Variants in PDE1A observed in about 807,000 individuals in gnomAD.
The protein encoded by PDE1A is phosphodiesterase 1A.
Under a neutral mutation model 61.7 loss-of-function variants are expected in PDE1A, and 35 were observed. The observed-to-expected ratio is 0.57, with a 90% confidence interval of 0.43 to 0.75. The LOEUF is 0.75. Ranked by LOEUF, PDE1A falls within the 30% of genes least tolerant of loss-of-function variation. The pLI, the probability that PDE1A is intolerant of heterozygous loss-of-function variation, is 0.00. For synonymous variants in PDE1A, 232 were observed against 213.2 expected, an observed-to-expected ratio of 1.09 and a Z score of -0.77; for missense variants, 597 against 630.6, an observed-to-expected ratio of 0.95 and a Z score of 0.57.
the PDE1A span, among the ~76,000 whole-genome samples, chr2:182,626,862 TATATATATACATATATATATACAC>T: frequency 7.3e-5 from 3 of 41,202 alleles, 1 homozygote; most frequent in African/African-American, 2.4e-4. Context: ...TATATATACA[TATATATATACATATATATATACAC>T]ATATATATAT....
At chr2:182,644,430 G>C in the PDE1A span, among the ~76,000 whole-genome samples, 1 of 151,806 alleles carries the variant, frequency 6.6e-6, no homozygotes. Flanking sequence ...CATTCATCAG[G>C]TTTGAAATAA....
At chr2:182,561,537 G>A in the PDE1A span, among the ~76,000 whole-genome samples, 42 of 152,182 alleles carry the variant, frequency 2.8e-4, no homozygotes, top group South Asian at 1.9e-3. Flanking sequence ...TTGGCAATGC[G>A]GGCTCTTTTT....
intron 2 of PDE1A, among the ~76,000 whole-genome samples, chr2:182,434,643 C>T (rs1336095313): frequency 2.0e-5 from 3 of 151,916 alleles, no homozygotes; most frequent in Non-Finnish European, 4.4e-5. Flanking sequence ...ACACCGAAAT[C>T]ACTTGAATTT....
the PDE1A span, among the ~76,000 whole-genome samples, chr2:182,707,185 G>T: frequency 2.6e-5 from 4 of 152,148 alleles, no homozygotes; most frequent in Non-Finnish European, 5.9e-5. Flanking sequence ...AACTTTAAAT[G>T]TTTATACCAG....
intron 2 of PDE1A, among the ~76,000 whole-genome samples, chr2:182,443,603 C>G (rs561480364): frequency 6.6e-6 from 1 of 152,112 alleles, no homozygotes; most frequent in African/African-American, 2.4e-5. Context: ...CTTTGCCTTT[C>G]ACCCTGATTG....
intron 7 of PDE1A, among the ~76,000 whole-genome samples, chr2:182,221,977 TA>T (rs1688764683): frequency 6.6e-6 from 1 of 152,012 alleles, no homozygotes; most frequent in African/African-American, 2.4e-5. Context: ...AATATTTTAA[TA>T]AACTGTTTCT....
At chr2:182,219,224 A>G (rs1469005557) in intron 7 of PDE1A, among the ~76,000 whole-genome samples, 1 of 152,114 alleles carries the variant, frequency 6.6e-6, no homozygotes, top group Non-Finnish European at 1.5e-5. Flanking sequence ...GGAAGATTTT[A>G]TTTTTAAAAT....
intron 2 of PDE1A, among the ~76,000 whole-genome samples, chr2:182,503,983 C>T (rs973634593): frequency 1.3e-5 from 2 of 152,178 alleles, no homozygotes; most frequent in Non-Finnish European, 2.9e-5. Context: ...ATTAACCCTA[C>T]TTTCCAAAGT....
At chr2:182,350,967 T>A (rs1193825044) in intron 1 of PDE1A, among the ~76,000 whole-genome samples, 1 of 152,256 alleles carries the variant, frequency 6.6e-6, no homozygotes, top group Non-Finnish European at 1.5e-5. Context: ...GTAACTTTTA[T>A]AGCTTCTCTT....
At chr2:182,425,497 T>C (rs62190203) in intron 1 of PDE1A, among the ~76,000 whole-genome samples, 1 of 152,186 alleles carries the variant, frequency 6.6e-6, no homozygotes, top group Non-Finnish European at 1.5e-5. Context: ...TAATTTATGT[T>C]CAAAGGAAGA....
At chr2:182,340,694 T>C (rs1001032042) in intron 1 of PDE1A, among the ~76,000 whole-genome samples, 7 of 152,194 alleles carry the variant, frequency 4.6e-5, no homozygotes, top group Non-Finnish European at 1.0e-4. Context: ...AGCTTTTCTG[T>C]AGCCCTGATG....
At chr2:182,283,854 G>A (rs1693984972) in intron 1 of PDE1A, among the ~76,000 whole-genome samples, 1 of 152,182 alleles carries the variant, frequency 6.6e-6, no homozygotes, top group Non-Finnish European at 1.5e-5. Flanking sequence ...AAAGCGTCAT[G>A]GCTTGTAAAA....
exon 1 of PDE1A, chr2:182,426,830 A>T (rs1214033767): frequency 7.2e-7 from 1 of 1,395,114 alleles, no homozygotes; most frequent in African/African-American, 1.5e-5. Flanking sequence ...CACATAAGAC[A>T]GGCACGTTGG....
the PDE1A span, among the ~76,000 whole-genome samples, chr2:182,608,363 C>A: frequency 4.6e-5 from 7 of 152,248 alleles, no homozygotes; most frequent in Non-Finnish European, 7.3e-5. Context: ...GGCCTTGGCG[C>A]CCACTCTGGC....
chr2:182,486,687 T>C (rs1039484182), intron 2 of PDE1A, among the ~76,000 whole-genome samples: 1 of 152,136 alleles, frequency 6.6e-6, no homozygotes, highest in East Asian at 1.9e-4. Flanking sequence ...GGGAAATGGA[T>C]GATCTTTTCA....
chr2:182,437,112 G>T (rs1025142122), intron 2 of PDE1A, among the ~76,000 whole-genome samples: 3 of 151,836 alleles, frequency 2.0e-5, no homozygotes, highest in African/African-American at 7.2e-5. Context: ...TGAATATTTG[G>T]ATGCTTTAAA....
the PDE1A span, among the ~76,000 whole-genome samples, chr2:182,644,557 G>C: frequency 6.6e-6 from 1 of 152,062 alleles, no homozygotes; most frequent in East Asian, 1.9e-4. Flanking sequence ...ACAATCCATG[G>C]TGTGGAATGA....
chr2:182,326,012 C>G (rs762665140), intron 1 of PDE1A, among the ~76,000 whole-genome samples: 1 of 152,062 alleles, frequency 6.6e-6, no homozygotes, highest in Non-Finnish European at 1.5e-5. Flanking sequence ...ATATAAATGG[C>G]AAATGAACAT....
At chr2:182,358,960 C>CCCTTCCTTCCTTTCCTT (rs1290909156) in intron 1 of PDE1A, among the ~76,000 whole-genome samples, 33 of 151,862 alleles carry the variant, frequency 2.2e-4, no homozygotes, top group African/African-American at 8.0e-4. Flanking sequence ...TTTCTTCCTT[C>CCCTTCCTTCCTTTCCTT]CCTTCCTTCC....
Sources: gnomAD v4.1 joint callset for allele counts (sites outside exome capture counted in the v4.1 genomes callset) on GRCh38, gnomAD v4.1.1 for gene constraint, MANE v1.5 for transcripts, NCBI Gene and HGNC (gene_info 2026-07-23, HGNC 2026-07-21) for gene names.